Variants in OGFOD1 observed in about 807,000 individuals in gnomAD.
The protein encoded by OGFOD1 is prolyl 3-hydroxylase OGFOD1.
A neutral mutation model predicts 67.7 loss-of-function variants in OGFOD1; 54 were observed. That is an observed-to-expected ratio of 0.80 (90% confidence interval 0.64 to 1.00). The LOEUF (loss-of-function observed/expected upper bound fraction) is 1.00. Among genes scored for constraint, OGFOD1 ranks in the 50% least tolerant of loss-of-function variants. OGFOD1 has a pLI of 0.00. For synonymous variants in OGFOD1, 221 were observed against 227.0 expected, an observed-to-expected ratio of 0.97 and a Z score of 0.24; for missense variants, 606 against 646.7, an observed-to-expected ratio of 0.94 and a Z score of 0.68.
intron 8 of OGFOD1, among the ~76,000 whole-genome samples, chr16:56,468,813 TG>T (rs572026452): frequency 1.7e-4 from 26 of 152,202 alleles, no homozygotes; most frequent in Non-Finnish European, 3.2e-4. Context: ...TAAATCACTC[TG>T]GGTATTTATT....
chr16:56,452,358 A>T (rs1380300212), intron 1 of OGFOD1, among the ~76,000 whole-genome samples: 1 of 152,186 alleles, frequency 6.6e-6, no homozygotes, highest in Non-Finnish European at 1.5e-5. Context: ...ACTCGTCTCT[A>T]CGCGCCTGTA....
Position 56,476,416 on chromosome 16 carries a change from G to C in OGFOD1, c.*211G>C. 4 of 332,604 alleles carry C rather than the reference G, an allele frequency of 1.2e-5. No individual in the cohort carries two copies. Among genetic ancestry groups the C allele is most frequent in the Non-Finnish European group, 1.6e-5 (3 of 189,668 alleles). The allele number at this position is 332,604 out of a possible 1,614,324, so 20.6% of individuals were successfully genotyped here. A position where few individuals can be genotyped will look rare whatever the true frequency, so the allele number is the denominator to read the frequency against. ...CTTATCTCTTGATTAAAAAAAAAAA[G>C]TTGGCTTTTTTTTTTTTAACATTTA... On this transcript the variant is annotated 3_prime_UTR_variant, in exon 13 of 13. Transcript: ENST00000566157.
chr16:56,459,341 CAAA>C (rs1290722013), intron 3 of OGFOD1, among the ~76,000 whole-genome samples: 2 of 103,194 alleles, frequency 1.9e-5, no homozygotes, highest in Non-Finnish European at 2.0e-5. Context: ...GACTCCATCT[CAAA>C]AAAAAAAAAA....
intron 4 of OGFOD1, among the ~76,000 whole-genome samples, chr16:56,463,145 C>T (rs1962772909): frequency 6.6e-6 from 1 of 152,152 alleles, no homozygotes; most frequent in Non-Finnish European, 1.5e-5. Flanking sequence ...GGGGTGCATC[C>T]TTCCATTTCT....
chr16:56,455,231 G>T (rs1962485471), intron 2 of OGFOD1, among the ~76,000 whole-genome samples: 1 of 151,870 alleles, frequency 6.6e-6, no homozygotes, highest in Non-Finnish European at 1.5e-5. Context: ...GCCAGGCGTG[G>T]TGGCACGCCC....
At chr16:56,458,277 G>T in intron 2 of OGFOD1, 4 of 415,948 alleles carry the variant, frequency 9.6e-6, no homozygotes, top group South Asian at 2.6e-5. Flanking sequence ...TCTGCTTTTT[G>T]TGTCTGTTGT....
chr16:56,468,161 G>A lies in OGFOD1; in HGVS notation c.900+143G>A, dbSNP rs1020885898. On this transcript the variant is annotated intron_variant, in intron 8 of 12. Transcript: ENST00000566157. ...CATTCCCTTCTTCAAGTGAAACATA[G>A]AAATGATGATAACACTAACATTAGT... 4.9e-6 allele frequency: 3 copies of A among 607,598 alleles called. No homozygotes were observed. In the African/African-American group the frequency reaches 5.6e-5, roughly 11 times the overall value. 37.6% of individuals were successfully genotyped at this position (607,598 alleles called of 1,614,324 possible).
Position 56,470,754 on chromosome 16 carries a change from G to C in OGFOD1, c.1248G>C (p.Gln416His), listed in dbSNP as rs148627729. The change falls in exon 10 of 13, where the codon CAG (glutamine) becomes CAC (histidine). Residue 416 changes from glutamine to histidine, a missense_variant. By Grantham distance (24) the Gln-to-His change is conservative. Transcript: ENST00000566157. ...ISNNSQQSNE[Q>H]TDPEPEENET... The stretch of plus-strand genomic sequence containing the variant: ...ACAACAGCCAACAGAGCAATGAGCA[G>C]ACAGACCCAGAGCCAGAGGAAAATG... The C allele has an allele frequency of 1.1e-5, 17 of 1,610,794 alleles. No homozygotes were observed. In the African/African-American group the frequency reaches 2.3e-4, roughly 22 times the overall value.
At chr16:56,468,171 T>C (rs1293576809) in intron 8 of OGFOD1, among the ~76,000 whole-genome samples, 153 bp downstream of exon 8, 1 of 152,170 alleles carries the variant, frequency 6.6e-6, no homozygotes, top group Non-Finnish European at 1.5e-5. Flanking sequence ...GAAATGATGA[T>C]AACACTAACA....
At chr16:56,461,750 G>T (rs1049446597) in intron 3 of OGFOD1, among the ~76,000 whole-genome samples, 10 of 152,120 alleles carry the variant, frequency 6.6e-5, no homozygotes, top group East Asian at 5.8e-4. Context: ...TGGTCAGTGT[G>T]GGGGGATAAG....
intron 3 of OGFOD1, chr16:56,458,827 T>C: frequency 2.0e-6 from 1 of 497,894 alleles, no homozygotes; most frequent in East Asian, 3.6e-5. Context: ...GATAAAATGC[T>C]CAATCTTGTT....
In OGFOD1 at chr16:56,451,712, A is replaced by T. The variant is rs1301853811; in HGVS notation, c.100A>T (p.Thr34Ser). 3 of 1,613,888 alleles carry T rather than the reference A, an allele frequency of 1.9e-6. No individual in the cohort carries two copies. The highest frequency in any genetic ancestry group is 3.3e-5 in the Admixed American group (2 of 60,016). ...AEFSDAVTEE[T>S]LKKQVAEAWS... is the part of the protein sequence containing the mutation. ...GTTTTCGGACGCTGTTACGGAAGAA[A>T]CCTTGAAAAAGCAGGTGGCTGAGGC... The change falls in exon 1 of 13, where the codon ACC (threonine) becomes TCC (serine). Residue 34 changes from threonine to serine, a missense_variant. Thr to Ser is a moderately conservative substitution (Grantham distance 58). Coordinates refer to ENST00000566157, the MANE Select transcript of OGFOD1 (RefSeq NM_018233.4).
In OGFOD1 at chr16:56,466,187, C is replaced by T. The variant is rs1431072887; in HGVS notation, c.484C>T (p.Arg162Cys). Residue 162 changes from arginine to cysteine, a missense_variant, in exon 5 of 13, where the codon CGC becomes TGC. Arg to Cys is a radical substitution (Grantham distance 180, BLOSUM62 -3). Coordinates refer to ENST00000566157, the MANE Select transcript of OGFOD1 (RefSeq NM_018233.4). ...GTGCCATGATGATGAGCTGGAAGGGCGCCGGATTGCCTTCATCCTGTACCT... is the reference window on the plus strand; with the variant it reads ...GTGCCATGATGATGAGCTGGAAGGGTGCCGGATTGCCTTCATCCTGTACCT... ...LLCHDDELEGRRIAFILYLVP... is the reference protein window; with the variant it reads ...LLCHDDELEGCRIAFILYLVP... The T allele has an allele frequency of 7.4e-6, 12 of 1,613,932 alleles. No individual in the cohort carries two copies. The highest frequency in any genetic ancestry group is 3.3e-5 in the South Asian group (3 of 91,078).
chr16:56,465,893 A>G (rs1226495233), intron 4 of OGFOD1: 1 of 316,792 alleles, frequency 3.2e-6, no homozygotes, highest in South Asian at 4.7e-5. Flanking sequence ...AAAATACTGG[A>G]AGATGATATG....
chr16:56,451,524 C>A, upstream of OGFOD1: 1 of 1,455,002 alleles, frequency 6.9e-7, no homozygotes, highest in Non-Finnish European at 9.4e-7. Context: ...GGCCGGGAAA[C>A]ACGATAAAGG....
intron 7 of OGFOD1, 114 bp downstream of exon 7, chr16:56,467,407 C>A (rs1962949270): frequency 4.2e-6 from 5 of 1,198,260 alleles, no homozygotes; most frequent in Non-Finnish European, 5.8e-6. Context: ...TTGCCCCTTT[C>A]CACTTTTCTT....
rs1234331655 is a variant in OGFOD1, at chr16:56,478,314, A to C, written c.*2109A>C. 5 of 152,138 alleles carry C rather than the reference A, an allele frequency of 3.3e-5. No homozygotes were observed. The allele number at this position is 152,138 out of a possible 1,614,324, so 9.4% of individuals were successfully genotyped here. ...GCTGGGATTACAGGCACCTGCCTCC[A>C]TACCCAGCTAATTTTTTTATATTTT... On this transcript the variant is annotated 3_prime_UTR_variant, in exon 13 of 13. Transcript: ENST00000566157.
Position 56,476,439 on chromosome 16 carries a change from TTA to T in OGFOD1, c.*235_*236del. ...AAGTTGGCTTTTTTTTTTTTAACAT[TTA>T]GTCCTTTTTCCATATTGGCTTCTTC... On this transcript the variant is annotated 3_prime_UTR_variant, in exon 13 of 13. Transcript: ENST00000566157. The T allele has an allele frequency of 2.9e-6, 1 of 343,624 alleles. No homozygotes were observed. The highest frequency in any genetic ancestry group is 5.2e-6 in the Non-Finnish European group (1 of 193,572). 21.3% of individuals were successfully genotyped at this position (343,624 alleles called of 1,614,324 possible).
At chr16:56,452,430 A>G (rs1962371707) in intron 1 of OGFOD1, among the ~76,000 whole-genome samples, 1 of 152,202 alleles carries the variant, frequency 6.6e-6, no homozygotes, top group Non-Finnish European at 1.5e-5. Context: ...CCTACGTTGA[A>G]CGATTCCAGC....
Sources: allele counts gnomAD v4.1 joint callset (sites outside exome capture counted in the v4.1 genomes callset), GRCh38; gene constraint gnomAD v4.1.1; transcripts MANE v1.5; gene names NCBI Gene and HGNC (gene_info 2026-07-23, HGNC 2026-07-21).